ZMAT4: variants seen among roughly 807,000 people sequenced by gnomAD.
ZMAT4 encodes the protein zinc finger matrin-type 4.
Under a neutral mutation model 28.7 loss-of-function variants are expected in ZMAT4, and 17 were observed. The observed-to-expected ratio is 0.59, with a 90% CI of 0.41 to 0.89. The LOEUF is 0.89. Among genes scored for constraint, ZMAT4 ranks in the 40% least tolerant of loss-of-function variants. The probability of loss-of-function intolerance (pLI) is 0.00; values close to 1 mark genes in which losing one functional copy is unlikely to be tolerated. For missense variants in ZMAT4, 240 were observed against 283.8 expected, an observed-to-expected ratio of 0.85 and a Z score of 1.11; for synonymous variants, 117 against 109.2, an observed-to-expected ratio of 1.07 and a Z score of -0.44.
At chr8:40,689,608 G>C (rs1809570149) in intron 4 of ZMAT4, among the ~76,000 whole-genome samples, 1 of 152,004 alleles carries the variant, frequency 6.6e-6, no homozygotes. Context: ...CTTACTTTAT[G>C]AGTGTCTTCT....
rs1307711698 is a variant in ZMAT4, at chr8:40,665,233, C to A, written c.577+9471G>T. On this transcript the variant is annotated intron_variant, in intron 5 of 6. Transcript: ENST00000297737. ...AAACAAACAACAACAAAAAAACACACACACAAAAAAAACAAAAAATGTAAA... is the reference window on the plus strand; with the variant it reads ...AAACAAACAACAACAAAAAAACACAAACACAAAAAAAACAAAAAATGTAAA... Among the ~76,000 whole-genome samples the A allele has an allele frequency of 3.5e-5, 5 of 142,270 alleles. No homozygotes were observed. The East Asian group carries it at 1.0e-3, about 29-fold the overall frequency. 93.3% of individuals were successfully genotyped at this position (142,270 alleles called of 152,430 possible). A position where few individuals can be genotyped will look rare whatever the true frequency, so the allele number is the denominator to read the frequency against.
chr8:40,718,366 A>G (rs1023904112), intron 3 of ZMAT4, among the ~76,000 whole-genome samples: 2 of 152,222 alleles, frequency 1.3e-5, no homozygotes, highest in African/African-American at 4.8e-5. Flanking sequence ...TTTGGGCCCA[A>G]ATGAACTGGA....
chr8:40,672,087 GAAAGAAAATACA>G (rs540781644), intron 5 of ZMAT4, among the ~76,000 whole-genome samples: 262 of 152,092 alleles, frequency 1.7e-3, no homozygotes, highest in African/African-American at 6.1e-3. Flanking sequence ...TAAGTAGAGA[GAAAGAAAATACA>G]AAAAAAAGTA....
intron 6 of ZMAT4, among the ~76,000 whole-genome samples, chr8:40,573,743 A>G (rs190069536): frequency 5.9e-5 from 9 of 152,322 alleles, no homozygotes; most frequent in Admixed American, 3.3e-4. Context: ...GATGAGCTGG[A>G]AAGAGTGCCA....
Position 40,697,296 on chromosome 8 carries a change from C to A in ZMAT4, c.298G>T (p.Ala100Ser), listed in dbSNP as rs758036509. Reference protein sequence around the residue: ...ADSHYQGKIHAKRLKLLLGEK... With the variant: ...ADSHYQGKIHSKRLKLLLGEK... ...CCTAGCAAGAGTTTTAACCTCTTGG[C>A]GTGGATTTTGCCTTGATAATGGGAA... Residue 100 changes from alanine to serine, a missense_variant, in exon 4 of 7, where the codon GCC becomes TCC. By Grantham distance (99) the Ala-to-Ser change is moderately conservative. Transcript: ENST00000297737. 2.5e-6 allele frequency: 4 copies of A among 1,613,716 alleles called. No individual in the cohort carries two copies. Among genetic ancestry groups the A allele is most frequent in the South Asian group, 2.2e-5 (2 of 91,046 alleles).
chr8:40,676,611 A>C (rs1808921439), intron 4 of ZMAT4, among the ~76,000 whole-genome samples: 1 of 152,216 alleles, frequency 6.6e-6, no homozygotes, highest in Non-Finnish European at 1.5e-5. Context: ...CTTATATAGA[A>C]ACAAATACTT....
intron 6 of ZMAT4, among the ~76,000 whole-genome samples, chr8:40,580,693 G>A (rs1207786066): frequency 6.6e-6 from 1 of 152,062 alleles, no homozygotes; most frequent in Non-Finnish European, 1.5e-5. Flanking sequence ...TGGAAATAGT[G>A]AATGTCATTG....
intron 5 of ZMAT4, among the ~76,000 whole-genome samples, chr8:40,673,331 T>C (rs1808763821): frequency 6.6e-6 from 1 of 152,204 alleles, no homozygotes; most frequent in African/African-American, 2.4e-5. Context: ...ATATTACTTA[T>C]TTTGTCTAGA....
At chr8:40,820,182 GTGT>G (rs1375725034) in intron 2 of ZMAT4, among the ~76,000 whole-genome samples, 12 of 151,500 alleles carry the variant, frequency 7.9e-5, no homozygotes, top group African/African-American at 1.5e-4. Flanking sequence ...GTGTGTGTGT[GTGT>G]GGGCGGGTGT....
chr8:40,596,506 C>CT (rs904067553), intron 5 of ZMAT4, among the ~76,000 whole-genome samples: 1 of 152,014 alleles, frequency 6.6e-6, no homozygotes, highest in Non-Finnish European at 1.5e-5. Context: ...AATTTATAAA[C>CT]TTTTTTTGTG....
In ZMAT4 at chr8:40,643,358, C is replaced by G. The variant is rs1209706959; in HGVS notation, c.577+31346G>C. ...CTCATACTGAAGCATGCTTTGCCTA[C>G]AAAAATAAATACATATTTGACACTT... On this transcript the variant is annotated intron_variant, in intron 5 of 6. Transcript: ENST00000297737. Among the ~76,000 whole-genome samples the G allele has an allele frequency of 4.6e-5, 7 of 152,104 alleles. No homozygotes were observed. In the East Asian group the frequency reaches 1.3e-3, roughly 29 times the overall value.
At chr8:40,704,086 A>G (rs1437715796) in intron 3 of ZMAT4, among the ~76,000 whole-genome samples, 1 of 152,240 alleles carries the variant, frequency 6.6e-6, no homozygotes, top group Non-Finnish European at 1.5e-5. Flanking sequence ...GTCATCTGAT[A>G]CCTTCTGCTA....
At chr8:40,854,123 A>G (rs1817212949) in intron 1 of ZMAT4, among the ~76,000 whole-genome samples, 1 of 152,160 alleles carries the variant, frequency 6.6e-6, no homozygotes, top group African/African-American at 2.4e-5. Flanking sequence ...GAGTGCCCCC[A>G]TGACCCAAAC....
chr8:40,889,411 C>T (rs901920654), intron 1 of ZMAT4, among the ~76,000 whole-genome samples: 10 of 152,162 alleles, frequency 6.6e-5, no homozygotes, highest in African/African-American at 2.2e-4. Flanking sequence ...ACTGCTTGAA[C>T]ATTTGTGGTT....
intron 3 of ZMAT4, among the ~76,000 whole-genome samples, chr8:40,706,410 A>C (rs1810353448): frequency 6.6e-6 from 1 of 152,224 alleles, no homozygotes; most frequent in Admixed American, 6.5e-5. Context: ...ATGAGGTGTC[A>C]GTGGATAAAT....
At chr8:40,820,926 T>C (rs986908079) in intron 2 of ZMAT4, among the ~76,000 whole-genome samples, 7 of 151,536 alleles carry the variant, frequency 4.6e-5, no homozygotes, top group Non-Finnish European at 8.8e-5. Flanking sequence ...TGTGGGTGTG[T>C]GTAGGAAGTG....
At chr8:40,663,973 C>G (rs1241686622) in intron 5 of ZMAT4, among the ~76,000 whole-genome samples, 1 of 152,168 alleles carries the variant, frequency 6.6e-6, no homozygotes, top group African/African-American at 2.4e-5. Context: ...GTATTCAGTA[C>G]TTGAAAATGT....
At chr8:40,566,153 C>T (rs556660875) in intron 6 of ZMAT4, among the ~76,000 whole-genome samples, 5 of 152,080 alleles carry the variant, frequency 3.3e-5, no homozygotes, top group South Asian at 2.1e-4. Flanking sequence ...GATGTTCCTC[C>T]GCCGTGACAC....
intron 5 of ZMAT4, among the ~76,000 whole-genome samples, chr8:40,665,950 C>A (rs1035412993): frequency 1.3e-5 from 2 of 152,134 alleles, no homozygotes; most frequent in South Asian, 2.1e-4. Context: ...TTAATGAATT[C>A]TTTTGTTCTG....
Sources: allele counts gnomAD v4.1 joint callset (sites outside exome capture counted in the v4.1 genomes callset), GRCh38; gene constraint gnomAD v4.1.1; transcripts MANE v1.5; gene names NCBI Gene and HGNC (gene_info 2026-07-23, HGNC 2026-07-21).